The following LRPPRC variants were observed in gnomAD, a reference collection of about 807,000 sequenced individuals.
The protein encoded by LRPPRC is leucine-rich PPR motif-containing protein, mitochondrial.
Under a neutral mutation model 180.3 loss-of-function variants are expected in LRPPRC, and 120 were observed. The ratio of observed to expected loss-of-function variants is 0.67; its 90% CI spans 0.57 to 0.77. The LOEUF (loss-of-function observed/expected upper bound fraction) is 0.77, where lower values mean the gene tolerates loss of function less well. Ranked by LOEUF, LRPPRC falls within the 30% of genes least tolerant of loss-of-function variation. LRPPRC has a pLI of 0.00. For missense variants in LRPPRC, 2,012 were observed against 1,657.2 expected (o/e 1.21, Z -3.72); for synonymous variants, 723 against 600.0 (o/e 1.21, Z -3.00).
At chr2:43,911,153 T>C (rs888642807) in intron 30 of LRPPRC, among the ~76,000 whole-genome samples, 2 of 149,016 alleles carry the variant, frequency 1.3e-5, no homozygotes, top group Non-Finnish European at 3.0e-5. Context: ...GTTCTAGATA[T>C]ATATATATAT....
At chr2:43,889,145 T>G (rs767360267) in intron 37 of LRPPRC, among the ~76,000 whole-genome samples, 1 of 151,812 alleles carries the variant, frequency 6.6e-6, no homozygotes, top group South Asian at 2.1e-4. Context: ...TGAAACCCCA[T>G]CTGTACTAAA....
intron 1 of LRPPRC, among the ~76,000 whole-genome samples, chr2:43,991,275 G>T (rs1380894912): frequency 1.3e-5 from 2 of 151,904 alleles, no homozygotes; most frequent in African/African-American, 2.4e-5. Flanking sequence ...CAAGTGATCT[G>T]CCCGCCTCGG....
At position 43,986,287 on chromosome 2, in the gene LRPPRC, G is replaced by T. The variant is rs1395474293; in HGVS notation, c.150-3853C>A. 2.6e-5 allele frequency among the ~76,000 whole-genome samples: 4 copies of T among 152,016 alleles called. No homozygotes were observed. In the East Asian group the frequency reaches 7.7e-4, roughly 29 times the overall value. ...TGGGATTACAGGCACACACCACCAT[G>T]CCCGACTAATTTTTATATTTTTAGT... On this transcript the variant is annotated intron_variant, in intron 1 of 37. Transcript: ENST00000260665.
chr2:43,968,826 G>A (rs1194020660), intron 11 of LRPPRC, among the ~76,000 whole-genome samples: 1 of 152,174 alleles, frequency 6.6e-6, no homozygotes, highest in Admixed American at 6.5e-5. Context: ...TAGTAATACT[G>A]TATTGTTGAC....
At chr2:43,924,392 T>A (rs906184462) in intron 27 of LRPPRC, among the ~76,000 whole-genome samples, 21 of 152,152 alleles carry the variant, frequency 1.4e-4, no homozygotes, top group Non-Finnish European at 2.6e-4. Flanking sequence ...TACTAAGATT[T>A]CAGCCTCAAA....
chr2:43,899,060 G>T (rs1037605274), intron 34 of LRPPRC, among the ~76,000 whole-genome samples, 159 bp downstream of exon 34: 2 of 152,072 alleles, frequency 1.3e-5, no homozygotes, highest in African/African-American at 4.8e-5. Flanking sequence ...CTACCATCCA[G>T]TCCTTGTCCT....
At chr2:43,973,231 T>C (rs1673895479) in intron 11 of LRPPRC, among the ~76,000 whole-genome samples, 1 of 152,208 alleles carries the variant, frequency 6.6e-6, no homozygotes, top group African/African-American at 2.4e-5. Context: ...ACCATACTTT[T>C]TGTTTTCATG....
intron 36 of LRPPRC, among the ~76,000 whole-genome samples, chr2:43,890,716 AAAAC>A (rs896945315): frequency 6.6e-5 from 10 of 152,344 alleles, no homozygotes; most frequent in East Asian, 3.9e-4. Flanking sequence ...ACCATCTCAA[AAAAC>A]AAACAAAAGC....
Position 43,912,479 on chromosome 2 carries a change from T to C in LRPPRC, c.3228A>G (p.Leu1076=). 6.3e-7 allele frequency: 1 copy of C among 1,599,726 alleles called. No individual in the cohort carries two copies. Among genetic ancestry groups the C allele is most frequent in the Non-Finnish European group, 8.6e-7 (1 of 1,167,090 alleles). Residue 1076 remains leucine (L), a synonymous_variant, in exon 30 of 38, where the codon TTA becomes TTG. Transcript: ENST00000260665. The part of the protein sequence containing the change: ...NAETYSNLIK[L]LMSEDYFTQA... ...GTGTAAAATAATCTTCTGACATCAGTAATTTAATGAGATTGCTGTAGGTTT... is the reference window on the plus strand; with the variant it reads ...GTGTAAAATAATCTTCTGACATCAGCAATTTAATGAGATTGCTGTAGGTTT...
chr2:43,993,298 T>C (rs1674868437), intron 1 of LRPPRC, among the ~76,000 whole-genome samples: 1 of 152,228 alleles, frequency 6.6e-6, no homozygotes. Flanking sequence ...TTTAGTTTAT[T>C]GTTCCCACCA....
intron 36 of LRPPRC, among the ~76,000 whole-genome samples, chr2:43,893,974 T>C (rs1237884175): frequency 6.6e-6 from 1 of 152,192 alleles, no homozygotes; most frequent in Admixed American, 6.5e-5. Context: ...TTTATTTTGA[T>C]GACTGAGGAA....
chr2:43,888,410 G>A lies in LRPPRC; in HGVS notation c.*190C>T. 1.9e-6 allele frequency: 1 copy of A among 524,286 alleles called. No homozygotes were observed. Among genetic ancestry groups the A allele is most frequent in the African/African-American group, 1.9e-5 (1 of 51,958 alleles). The allele number at this position is 524,286 out of a possible 1,614,324, so 32.5% of individuals were successfully genotyped here. A position where few individuals can be genotyped will look rare whatever the true frequency, so the allele number is the denominator to read the frequency against. On this transcript the variant is annotated 3_prime_UTR_variant, in exon 38 of 38. Coordinates refer to ENST00000260665, the MANE Select transcript of LRPPRC (RefSeq NM_133259.4). Reference sequence around the variant, plus strand: ...AAGAAAACACTATCGATTTTTCCCAGAGAAAAAAACTCCAAAAATGTCCAA... The same window carrying A: ...AAGAAAACACTATCGATTTTTCCCAAAGAAAAAAACTCCAAAAATGTCCAA...
intron 23 of LRPPRC, among the ~76,000 whole-genome samples, chr2:43,943,143 T>C (rs1672547120): frequency 6.6e-6 from 1 of 152,086 alleles, no homozygotes; most frequent in Non-Finnish European, 1.5e-5. Flanking sequence ...TGATTTACAT[T>C]GCAAATAATG....
At chr2:43,974,569 T>A in intron 8 of LRPPRC, 45 bp downstream of exon 8, 1 of 1,301,888 alleles carries the variant, frequency 7.7e-7, no homozygotes, top group Non-Finnish European at 1.1e-6. Context: ...GAATAGCAAT[T>A]CAGATTTTTA....
At chr2:43,903,057 G>C (rs977404742) in intron 31 of LRPPRC, 1 of 152,152 alleles carries the variant, frequency 6.6e-6, no homozygotes, top group Non-Finnish European at 1.5e-5. Flanking sequence ...AATGATCCCA[G>C]AGCTTCCGTC....
chr2:43,922,261 G>GT (rs2105034543), intron 27 of LRPPRC, among the ~76,000 whole-genome samples: 1 of 152,188 alleles, frequency 6.6e-6, no homozygotes, highest in East Asian at 1.9e-4. Flanking sequence ...TTAAATGTAT[G>GT]TAAGACTTAC....
At chr2:43,931,987 A>G (rs778155864) in intron 25 of LRPPRC, among the ~76,000 whole-genome samples, 1 of 151,926 alleles carries the variant, frequency 6.6e-6, no homozygotes, top group Non-Finnish European at 1.5e-5. Flanking sequence ...AGTAATTGCT[A>G]TAAGATGAAG....
At chr2:43,954,297 A>T (rs1209687030) in intron 14 of LRPPRC, among the ~76,000 whole-genome samples, 2 of 152,270 alleles carry the variant, frequency 1.3e-5, no homozygotes, top group African/African-American at 2.4e-5. Context: ...CTGGCAAAGA[A>T]TTTAAATAGG....
At chr2:43,943,120 T>C (rs747391224) in intron 23 of LRPPRC, among the ~76,000 whole-genome samples, 42 of 152,082 alleles carry the variant, frequency 2.8e-4, no homozygotes, top group Non-Finnish European at 5.2e-4. Flanking sequence ...CATTATAAAA[T>C]AGACTGACTT....
Sources: allele counts gnomAD v4.1 joint callset (sites outside exome capture counted in the v4.1 genomes callset), GRCh38; gene constraint gnomAD v4.1.1; transcripts MANE v1.5; gene names NCBI Gene and HGNC (gene_info 2026-07-23, HGNC 2026-07-21).